The following CADPS2 variants were observed in gnomAD, a reference collection of about 807,000 sequenced individuals.
CADPS2 encodes the protein calcium-dependent secretion activator 2.
In CADPS2, 93 loss-of-function variants were observed where a neutral mutation model predicts 172.5. The ratio of observed to expected loss-of-function variants is 0.54; its 90% confidence interval spans 0.46 to 0.64. The LOEUF (loss-of-function observed/expected upper bound fraction) is 0.64, where lower values mean the gene tolerates loss of function less well. Among genes scored for constraint, CADPS2 ranks in the 30% least tolerant of loss-of-function variants. The pLI, the probability that CADPS2 is intolerant of heterozygous loss-of-function variation, is 0.00. For missense variants in CADPS2, 1,420 were observed against 1,565.9 expected (o/e 0.91, Z 1.57); for synonymous variants, 546 against 555.2 (o/e 0.98, Z 0.23).
Position 122,491,316 on chromosome 7 carries a change from G to T in CADPS2, c.1647C>A (p.His549Gln). ...AGTGATTCAATTAAGATTTACCTGG[G>T]TGGGGATCGGTATAATCCACAGTAT... ...EGYTVDYTDP[H>Q]PGLQGGCMFF... The change falls in exon 10 of 30, where the codon CAC (histidine) becomes CAA (glutamine). Residue 549 changes from histidine to glutamine, a missense_variant. Transcript: ENST00000449022. The T allele has an allele frequency of 6.3e-7, 1 of 1,589,872 alleles. No individual in the cohort carries two copies. The highest frequency in any genetic ancestry group is 8.6e-7 in the Non-Finnish European group (1 of 1,165,938).
intron 14 of CADPS2, among the ~76,000 whole-genome samples, chr7:122,454,743 TAGACTC>T (rs1174614153): frequency 2.0e-4 from 30 of 152,226 alleles, no homozygotes; most frequent in African/African-American, 6.8e-4. Flanking sequence ...GTTTGTTTAA[TAGACTC>T]AGAGTATTCG....
chr7:122,539,261 T>C (rs1180471868), intron 8 of CADPS2, among the ~76,000 whole-genome samples: 1 of 152,068 alleles, frequency 6.6e-6, no homozygotes, highest in East Asian at 1.9e-4. Context: ...CCTGATGAAA[T>C]GATGAATTCA....
intron 17 of CADPS2, among the ~76,000 whole-genome samples, chr7:122,435,895 C>T (rs1411807042): frequency 1.3e-5 from 2 of 152,012 alleles, no homozygotes; most frequent in Non-Finnish European, 2.9e-5. Flanking sequence ...CATGATACCA[C>T]TTATATGAGG....
At chr7:122,491,500 CT>C in intron 9 of CADPS2, 80 bp from the exon 10 acceptor site, 1 of 643,608 alleles carries the variant, frequency 1.6e-6, no homozygotes, top group South Asian at 2.5e-5. Flanking sequence ...TCAAAATACT[CT>C]TTTCCCAATT....
intron 15 of CADPS2, among the ~76,000 whole-genome samples, chr7:122,450,603 C>T (rs1165038858): frequency 7.4e-6 from 1 of 135,274 alleles, no homozygotes; most frequent in African/African-American, 2.7e-5. Context: ...GATCATAGCT[C>T]ACTGCAGCCT....
intron 7 of CADPS2, among the ~76,000 whole-genome samples, chr7:122,564,369 C>T (rs1302998785): frequency 1.3e-5 from 2 of 152,084 alleles, no homozygotes; most frequent in Non-Finnish European, 2.9e-5. Flanking sequence ...AGTGCAGTGG[C>T]ATGATCTTGG....
chr7:122,709,237 A>G (rs1393561655), intron 2 of CADPS2, among the ~76,000 whole-genome samples: 1 of 152,120 alleles, frequency 6.6e-6, no homozygotes, highest in Non-Finnish European at 1.5e-5. Flanking sequence ...AAATCTTCCT[A>G]AGCCACAAGG....
intron 1 of CADPS2, among the ~76,000 whole-genome samples, chr7:122,818,896 T>C (rs1802300030): frequency 6.6e-6 from 1 of 152,182 alleles, no homozygotes; most frequent in Admixed American, 6.5e-5. Context: ...TGAGACGCTT[T>C]ACAGCCCTAG....
intron 14 of CADPS2, among the ~76,000 whole-genome samples, chr7:122,455,225 G>C (rs1218309831): frequency 1.3e-5 from 2 of 152,072 alleles, no homozygotes; most frequent in Admixed American, 1.3e-4. Flanking sequence ...TTCTGCCTGA[G>C]AGTGCTTTCT....
chr7:122,858,745 G>T (rs944296861), intron 1 of CADPS2, among the ~76,000 whole-genome samples: 4 of 152,306 alleles, frequency 2.6e-5, no homozygotes. Flanking sequence ...AGACTGTTCT[G>T]CTGTGTGGCC....
chr7:122,418,398 G>A (rs938063633), intron 17 of CADPS2, among the ~76,000 whole-genome samples: 1 of 152,198 alleles, frequency 6.6e-6, no homozygotes, highest in African/African-American at 2.4e-5. Flanking sequence ...GAGTAAGAAT[G>A]TGCTAAGAAT....
At chr7:122,336,286 G>T (rs899230680) in intron 28 of CADPS2, among the ~76,000 whole-genome samples, 4 of 152,148 alleles carry the variant, frequency 2.6e-5, no homozygotes, top group Non-Finnish European at 4.4e-5. Context: ...ATTCACAGAG[G>T]GGGAGTACAA....
intron 17 of CADPS2, chr7:122,422,100 A>G (rs955311340): frequency 6.6e-6 from 1 of 152,254 alleles, no homozygotes; most frequent in African/African-American, 2.4e-5. Flanking sequence ...CTATAGGGAT[A>G]ACTTCAGAAA....
intron 8 of CADPS2, among the ~76,000 whole-genome samples, chr7:122,537,291 AAAC>A (rs1358661943): frequency 6.6e-6 from 1 of 151,804 alleles, no homozygotes; most frequent in African/African-American, 2.4e-5. Flanking sequence ...AGCAAAAAAA[AAAC>A]AAACAAACAA....
intron 8 of CADPS2, among the ~76,000 whole-genome samples, chr7:122,542,470 C>A (rs1017803378): frequency 1.3e-5 from 2 of 152,088 alleles, no homozygotes; most frequent in Non-Finnish European, 2.9e-5. Context: ...TTAGCAGATT[C>A]TATTAAATGT....
intron 1 of CADPS2, among the ~76,000 whole-genome samples, chr7:122,828,021 C>G (rs2140507961): frequency 6.6e-6 from 1 of 152,182 alleles, no homozygotes; most frequent in Admixed American, 6.5e-5. Flanking sequence ...TAAGTCCCTG[C>G]CAATAACTGT....
At chr7:122,353,924 A>G (rs1023671898) in intron 27 of CADPS2, among the ~76,000 whole-genome samples, 3 of 152,076 alleles carry the variant, frequency 2.0e-5, no homozygotes, top group Non-Finnish European at 2.9e-5. Flanking sequence ...TCCAAACAGG[A>G]GCCCTTTACA....
intron 7 of CADPS2, among the ~76,000 whole-genome samples, chr7:122,580,757 C>T (rs544734914): frequency 8.5e-5 from 13 of 152,178 alleles, no homozygotes; most frequent in Non-Finnish European, 1.5e-4. Flanking sequence ...AGATGCACTT[C>T]GGAGATATTC....
intron 3 of CADPS2, among the ~76,000 whole-genome samples, chr7:122,660,881 G>A (rs2080453601): frequency 6.6e-6 from 1 of 152,072 alleles, no homozygotes; most frequent in African/African-American, 2.4e-5. Flanking sequence ...CTGCCCTCCA[G>A]CCTGGACAAC....
Sources: allele counts gnomAD v4.1 joint callset (sites outside exome capture counted in the v4.1 genomes callset), GRCh38; gene constraint gnomAD v4.1.1; transcripts MANE v1.5; gene names NCBI Gene and HGNC (gene_info 2026-07-23, HGNC 2026-07-21).